The following MYO1E variants were observed in gnomAD, a reference collection of about 807,000 sequenced individuals.
The protein encoded by MYO1E is myosin IE.
In MYO1E, 68 loss-of-function variants were observed where a neutral mutation model predicts 151.1. The observed-to-expected ratio is 0.45, with a 90% CI of 0.37 to 0.55. The LOEUF is 0.55. Ranked by LOEUF, MYO1E falls within the 20% of genes least tolerant of loss-of-function variation. The pLI, the probability that MYO1E is intolerant of heterozygous loss-of-function variation, is 0.00. For missense variants in MYO1E, 1,363 were observed against 1,389.3 expected (o/e 0.98, Z 0.30); for synonymous variants, 601 against 501.7 (o/e 1.20, Z -2.64).
In MYO1E at chr15:59,212,151, G is replaced by T. The variant is rs935422523; in HGVS notation, c.1276-1551C>A. Among the ~76,000 whole-genome samples the T allele has an allele frequency of 5.9e-5, 9 of 151,928 alleles. No individual in the cohort carries two copies. The South Asian group carries it at 1.7e-3, about 28-fold the overall frequency. On this transcript the variant is annotated intron_variant, in intron 12 of 27. Coordinates refer to ENST00000288235, the MANE Select transcript of MYO1E (RefSeq NM_004998.4). ...TATTGCACTCTTACTTGGTTGTTTT[G>T]CTCTGGCTACTCTAAGGGTTGGGGA... is the stretch of plus-strand genomic sequence containing the variant.
intron 9 of MYO1E, among the ~76,000 whole-genome samples, chr15:59,221,761 G>A (rs1190293716): frequency 2.6e-5 from 4 of 152,094 alleles, no homozygotes; most frequent in Non-Finnish European, 4.4e-5. Context: ...AACACTTCTT[G>A]TTTCAAACAT....
chr15:59,277,090 G>T (rs1199099419), intron 1 of MYO1E, among the ~76,000 whole-genome samples: 1 of 152,120 alleles, frequency 6.6e-6, no homozygotes, highest in African/African-American at 2.4e-5. Context: ...AATACAACAA[G>T]GTCCCCCACC....
At chr15:59,355,132 A>G (rs1012918480) in intron 1 of MYO1E, among the ~76,000 whole-genome samples, 2 of 152,198 alleles carry the variant, frequency 1.3e-5, no homozygotes, top group African/African-American at 4.8e-5. Flanking sequence ...TGTTCAATTC[A>G]GCAAAGTTGC....
At chr15:59,180,929 G>A (rs1200473996) in intron 18 of MYO1E, among the ~76,000 whole-genome samples, 1 of 152,142 alleles carries the variant, frequency 6.6e-6, no homozygotes, top group Non-Finnish European at 1.5e-5. Context: ...TTCCTCTCAA[G>A]GCCTTTGTGC....
intron 26 of MYO1E, among the ~76,000 whole-genome samples, chr15:59,149,042 TTTTTTTTTTG>T (rs1566964334): frequency 1.3e-5 from 1 of 77,568 alleles, no homozygotes; most frequent in African/African-American, 4.7e-5. Context: ...TGAACTGTTT[TTTTTTTTTTG>T]TTTTTTTTTT....
chr15:59,354,022 T>A (rs1392521849), intron 1 of MYO1E, among the ~76,000 whole-genome samples: 2 of 152,098 alleles, frequency 1.3e-5, no homozygotes, highest in Admixed American at 1.3e-4. Flanking sequence ...TACCACACAC[T>A]AAGAAAAACC....
chr15:59,251,264 A>T (rs1407555970), intron 4 of MYO1E, among the ~76,000 whole-genome samples: 4 of 152,234 alleles, frequency 2.6e-5, no homozygotes, highest in African/African-American at 9.6e-5. Flanking sequence ...ATATAACCTT[A>T]AACTTGTAGA....
At chr15:59,272,488 T>TAC in intron 1 of MYO1E, 39 bp from the exon 2 acceptor site, 1 of 1,608,958 alleles carries the variant, frequency 6.2e-7, no homozygotes, top group South Asian at 1.1e-5. Flanking sequence ...GATAGTTTGT[T>TAC]TTCCCCTGTA....
intron 1 of MYO1E, among the ~76,000 whole-genome samples, chr15:59,280,546 T>C (rs1164194705): frequency 2.7e-5 from 4 of 148,060 alleles, no homozygotes; most frequent in African/African-American, 1.0e-4. Context: ...TGCTTAAACC[T>C]GGGAGGCAGA....
At chr15:59,258,145 G>A (rs781133537) in intron 3 of MYO1E, among the ~76,000 whole-genome samples, 12 of 152,146 alleles carry the variant, frequency 7.9e-5, no homozygotes, top group Non-Finnish European at 1.5e-4. Context: ...TCAGGAGTCC[G>A]AGACCAGTCT....
At position 59,269,203 on chromosome 15, in the gene MYO1E, A is replaced by C. The variant is rs566009136; in HGVS notation, c.147+3103T>G. On this transcript the variant is annotated intron_variant, in intron 2 of 27. Coordinates refer to ENST00000288235, the MANE Select transcript of MYO1E (RefSeq NM_004998.4). ...CACACCTGCATGGTAATAATGACTC[A>C]TACTTACTGTTTACTTGCTGCATTC... 1.2e-4 allele frequency among the ~76,000 whole-genome samples: 18 copies of C among 152,322 alleles called. No individual in the cohort carries two copies. In the East Asian group the frequency reaches 3.1e-3, roughly 26 times the overall value.
At chr15:59,186,090 A>G (rs867274794) in intron 18 of MYO1E, among the ~76,000 whole-genome samples, 2 of 152,200 alleles carry the variant, frequency 1.3e-5, no homozygotes, top group African/African-American at 4.8e-5. Context: ...AACTTCCTAA[A>G]TATTTCTTTC....
intron 18 of MYO1E, among the ~76,000 whole-genome samples, chr15:59,187,917 T>C (rs1290648953): frequency 3.9e-5 from 6 of 152,140 alleles, no homozygotes; most frequent in South Asian, 2.1e-4. Flanking sequence ...AAGGGGAGAA[T>C]TGGAGGTTGA....
chr15:59,231,078 T>C (rs1242632275), intron 6 of MYO1E, among the ~76,000 whole-genome samples: 5 of 152,220 alleles, frequency 3.3e-5, no homozygotes, highest in African/African-American at 1.2e-4. Flanking sequence ...ATGCACTTGG[T>C]TGACATTTTC....
intron 1 of MYO1E, 44 bp from the exon 2 acceptor site, chr15:59,272,493 C>T (rs200023985): frequency 6.2e-7 from 1 of 1,600,786 alleles, no homozygotes; most frequent in East Asian, 2.2e-5. Context: ...TTTGTTTTCC[C>T]CTGTAGTAAC....
chr15:59,157,066 T>TA (rs56300582), intron 25 of MYO1E, among the ~76,000 whole-genome samples: 5,781 of 139,264 alleles, frequency 0.042, 126 homozygotes, highest in African/African-American at 0.071. Flanking sequence ...CTACAAAGAG[T>TA]AAAAAAAAAA....
intron 18 of MYO1E, among the ~76,000 whole-genome samples, chr15:59,181,682 C>A (rs1289790367): frequency 2.6e-5 from 4 of 152,204 alleles, no homozygotes; most frequent in Non-Finnish European, 5.9e-5. Context: ...ACTAAACACA[C>A]AGAATATTTC....
chr15:59,325,507 A>G (rs1158482539), intron 1 of MYO1E, among the ~76,000 whole-genome samples: 1 of 152,172 alleles, frequency 6.6e-6, no homozygotes, highest in African/African-American at 2.4e-5. Flanking sequence ...GAGATTATTT[A>G]TTTATTTCAA....
At chr15:59,317,554 T>A (rs10851648) in intron 1 of MYO1E, among the ~76,000 whole-genome samples, 1 of 151,966 alleles carries the variant, frequency 6.6e-6, no homozygotes, top group African/African-American at 2.4e-5. Flanking sequence ...CCAAACCTAG[T>A]ATGACTATAC....
Sources: allele counts gnomAD v4.1 joint callset (sites outside exome capture counted in the v4.1 genomes callset), GRCh38; gene constraint gnomAD v4.1.1; transcripts MANE v1.5; gene names NCBI Gene and HGNC (gene_info 2026-07-23, HGNC 2026-07-21).